CEMIP: variants seen among roughly 807,000 people sequenced by gnomAD.
CEMIP encodes the protein cell migration-inducing and hyaluronan-binding protein.
In CEMIP, 105 loss-of-function variants were observed where a neutral mutation model predicts 156.9. The ratio of observed to expected loss-of-function variants is 0.67; its 90% CI spans 0.57 to 0.79. The LOEUF (loss-of-function observed/expected upper bound fraction) is 0.79. CEMIP is among the 30% of genes least tolerant of loss of function. The pLI is 0.00. For missense variants in CEMIP, 1,457 were observed against 1,769.4 expected (o/e 0.82, Z 3.17); for synonymous variants, 676 against 668.4 (o/e 1.01, Z -0.17).
chr15:80,848,926 A>ACACC (rs374603705), intron 1 of CEMIP, among the ~76,000 whole-genome samples: 1 of 131,158 alleles, frequency 7.6e-6, no homozygotes, highest in Non-Finnish European at 1.6e-5. Context: ...ACACACACAC[A>ACACC]CCCTGGCTTC....
At chr15:80,884,456 C>T in intron 7 of CEMIP, 102 bp downstream of exon 7, 1 of 1,215,662 alleles carries the variant, frequency 8.2e-7, no homozygotes, top group Admixed American at 1.8e-5. Context: ...ACAGCCGTAC[C>T]ATCCTAAATG....
intron 1 of CEMIP, among the ~76,000 whole-genome samples, chr15:80,808,167 G>A (rs1180411170): frequency 6.6e-6 from 1 of 152,204 alleles, no homozygotes; most frequent in African/African-American, 2.4e-5. Flanking sequence ...AGGCTCAATA[G>A]GGAGAACTAA....
chr15:80,824,047 C>G (rs1896971325), intron 1 of CEMIP, among the ~76,000 whole-genome samples: 1 of 152,218 alleles, frequency 6.6e-6, no homozygotes. Flanking sequence ...AAGCACTGAA[C>G]TCTCCCTGCT....
chr15:80,883,432 T>A (rs1373641485), intron 6 of CEMIP, among the ~76,000 whole-genome samples: 1 of 152,200 alleles, frequency 6.6e-6, no homozygotes, highest in African/African-American at 2.4e-5. Context: ...ACACTTAAAA[T>A]TTTAAGAGGG....
In CEMIP at chr15:80,791,603, C is replaced by T. The variant is rs1233668203; in HGVS notation, c.-176+11989C>T. Among the ~76,000 whole-genome samples the T allele has an allele frequency of 3.9e-5, 6 of 152,170 alleles. No individual in the cohort carries two copies. The South Asian group carries it at 1.0e-3, about 26-fold the overall frequency. On this transcript the variant is annotated intron_variant, in intron 1 of 29. Coordinates refer to ENST00000394685, the MANE Select transcript of CEMIP (RefSeq NM_001293298.2). ...CCCTTGAGGAAAATTTTCCGAGGCT[C>T]CTAATCCCAGGCCCTTGTCTCACAA...
At chr15:80,861,173 A>G (rs569966384) in intron 1 of CEMIP, among the ~76,000 whole-genome samples, 1 of 152,120 alleles carries the variant, frequency 6.6e-6, no homozygotes, top group African/African-American at 2.4e-5. Context: ...ATCGTGCAGT[A>G]GGCACTAATA....
chr15:80,781,238 T>C (rs1895785417), intron 1 of CEMIP, among the ~76,000 whole-genome samples: 1 of 152,224 alleles, frequency 6.6e-6, no homozygotes, highest in Admixed American at 6.5e-5. Flanking sequence ...ATTGGGAGGA[T>C]ATATTAGTTT....
chr15:80,925,929 A>T (rs1020773871), intron 19 of CEMIP, among the ~76,000 whole-genome samples, 174 bp downstream of exon 19: 6 of 152,080 alleles, frequency 3.9e-5, no homozygotes, highest in African/African-American at 1.4e-4. Context: ...GTGGCCAAAA[A>T]AAACAAAACC....
chr15:80,932,304 G>A lies in CEMIP; in HGVS notation c.2793+265G>A, dbSNP rs146166854. Among the ~76,000 whole-genome samples the A allele has an allele frequency of 1.1e-4, 16 of 152,318 alleles. No homozygotes were observed. The highest frequency in any genetic ancestry group is 4.1e-4 in the South Asian group (2 of 4,828). On this transcript the variant is annotated intron_variant, in intron 22 of 29. Coordinates refer to ENST00000394685, the MANE Select transcript of CEMIP (RefSeq NM_001293298.2). The surrounding 1 kb of genome is among the most constrained non-coding windows in gnomAD (Gnocchi z 4.5). ...AGGCGAGCCTCTGGAGGAACCCGAC[G>A]TGTGGACTGAGGTTCCTAGGCTGTT...
At chr15:80,914,578 CTG>C (rs1900193813) in intron 14 of CEMIP, among the ~76,000 whole-genome samples, 1 of 152,170 alleles carries the variant, frequency 6.6e-6, no homozygotes, top group South Asian at 2.1e-4. Context: ...GCTGAGCCCC[CTG>C]TGTCTTTGGC....
chr15:80,947,948 A>G (rs1901633651), intron 29 of CEMIP: 1 of 152,314 alleles, frequency 6.6e-6, no homozygotes, highest in Non-Finnish European at 1.5e-5. Flanking sequence ...ACTATGGAAA[A>G]CATCAAAATC....
chr15:80,832,533 C>T (rs1192812294), intron 1 of CEMIP, among the ~76,000 whole-genome samples: 1 of 151,994 alleles, frequency 6.6e-6, no homozygotes, highest in Non-Finnish European at 1.5e-5. Context: ...TGAATTAGAT[C>T]GGAATGAGTT....
intron 1 of CEMIP, among the ~76,000 whole-genome samples, chr15:80,844,756 G>A (rs1897512545): frequency 6.6e-6 from 1 of 152,220 alleles, no homozygotes; most frequent in Non-Finnish European, 1.5e-5. Flanking sequence ...TATCAGAGGT[G>A]CTGAAAACAT....
chr15:80,803,505 T>C (rs1284411787), intron 1 of CEMIP, among the ~76,000 whole-genome samples: 1 of 151,958 alleles, frequency 6.6e-6, no homozygotes, highest in African/African-American at 2.4e-5. Context: ...CAGCAAAATA[T>C]TATAATGGAA....
intron 1 of CEMIP, among the ~76,000 whole-genome samples, chr15:80,813,145 C>G (rs1896708964): frequency 6.6e-6 from 1 of 152,102 alleles, no homozygotes; most frequent in African/African-American, 2.4e-5. Context: ...CCCACTTGAC[C>G]CAATGCTTCT....
At chr15:80,829,995 T>TGTGTGTGTGCGC in intron 1 of CEMIP, among the ~76,000 whole-genome samples, 1 of 150,060 alleles carries the variant, frequency 6.7e-6, no homozygotes, top group East Asian at 2.0e-4. Flanking sequence ...TGTGTGTGTG[T>TGTGTGTGTGCGC]GTGTGTGCGC....
rs143467757 is a variant in CEMIP at position 80,847,912 on chromosome 15, A to G, written c.-175-25626A>G. 5.3e-3 allele frequency among the ~76,000 whole-genome samples: 808 copies of G among 152,308 alleles called. 11 individuals carry two copies. Among genetic ancestry groups the G allele is most frequent in the African/African-American group, 0.015 (615 of 41,560 alleles). The stretch of plus-strand genomic sequence containing the variant: ...CCGTGGAGATGCTCGACTCTTCCTG[A>G]GATTCCTTCCATGATTTCCAGAGAC... On this transcript the variant is annotated intron_variant, in intron 1 of 29. Transcript: ENST00000394685.
rs1899814909 is a variant in CEMIP at position 80,906,611 on chromosome 15, CA to C, written c.1412-51del. The C allele has an allele frequency of 1.3e-6, 2 of 1,559,290 alleles. No homozygotes were observed. Among genetic ancestry groups the C allele is most frequent in the Admixed American group, 3.4e-5 (2 of 58,452 alleles). Reference sequence around the variant, plus strand: ...AGGCACCTGGCAGGGGCCCAGAACTCAGTGGGCATGCAGTACCTGCTGTTGT... The same window carrying C: ...AGGCACCTGGCAGGGGCCCAGAACTCGTGGGCATGCAGTACCTGCTGTTGT... On this transcript the variant is annotated intron_variant, in intron 12 of 29. Transcript: ENST00000394685. This position sits in a 1 kb window ranked among gnomAD's most constrained non-coding sequence, Gnocchi z 4.3.
rs761354232 is a variant in CEMIP at position 80,921,047 on chromosome 15, C to T, written c.2019C>T (p.Phe673=). ...PRQDCNAVST[F]WMANPNNNLI... is the part of the protein sequence containing the mutation. ...CTCCCTGCAGTGCTGTGTCCACCTT[C>T]TGGATGGCCAATCCCAACAACAACC... The change falls in exon 16 of 30, where the codon TTC becomes TTT. Residue 673 remains phenylalanine (F), a synonymous_variant. Transcript: ENST00000394685. 2.2e-5 allele frequency: 35 copies of T among 1,614,112 alleles called. No individual in the cohort carries two copies. Among genetic ancestry groups the T allele is most frequent in the Admixed American group, 1.2e-4 (7 of 60,014 alleles).
Sources: gnomAD v4.1 joint callset for allele counts (sites outside exome capture counted in the v4.1 genomes callset) on GRCh38, gnomAD v4.1.1 for gene constraint, Gnocchi (gnomAD v3.1) non-coding constraint, MANE v1.5 for transcripts, NCBI Gene and HGNC (gene_info 2026-07-23, HGNC 2026-07-21) for gene names.